AMD1: variants seen among roughly 807,000 people sequenced by gnomAD.
The protein encoded by AMD1 is adenosylmethionine decarboxylase 1, also known as S-adenosylmethionine decarboxylase proenzyme.
AMD1 carries 11 observed loss-of-function variants against 40.2 expected under a neutral mutation model. The ratio of observed to expected loss-of-function variants is 0.27; its 90% CI spans 0.17 to 0.45. AMD1 has a LOEUF of 0.45. Ranked by LOEUF, AMD1 falls within the 20% of genes least tolerant of loss-of-function variation. AMD1 has a pLI of 1.00. For synonymous variants in AMD1, 121 were observed against 130.8 expected (o/e 0.93, Z 0.51); for missense variants, 257 against 410.2 (o/e 0.63, Z 3.23).
chr6:110,835,179 C>T, the AMD1 span, among the ~76,000 whole-genome samples: 14 of 151,070 alleles, frequency 9.3e-5, no homozygotes, highest in Non-Finnish European at 7.4e-5. Flanking sequence ...CCACCACGCC[C>T]GGCTAATTTT....
chr6:110,892,647 C>G (rs2115313646), intron 6 of AMD1, 88 bp from the exon 7 acceptor site: 3 of 1,499,416 alleles, frequency 2.0e-6, no homozygotes, highest in Non-Finnish European at 2.8e-6. Context: ...CTGGTCCTCT[C>G]CCTTCTCCCA....
At chr6:110,860,827 ACCCACC>A in the AMD1 span, among the ~76,000 whole-genome samples, 3,880 of 134,694 alleles carry the variant, frequency 0.029, 137 homozygotes, top group African/African-American at 0.081. Flanking sequence ...AAAACAAAAC[ACCCACC>A]CACACACACA....
At chr6:110,887,366 T>C (rs2115300910) in intron 1 of AMD1, 139 bp from the exon 2 acceptor site, 1 of 550,442 alleles carries the variant, frequency 1.8e-6, no homozygotes, top group South Asian at 2.9e-5. Flanking sequence ...CAATATAGAT[T>C]ATTTTGAAAG....
the AMD1 span, among the ~76,000 whole-genome samples, chr6:110,816,580 A>C: frequency 1.3e-5 from 2 of 152,240 alleles, no homozygotes; most frequent in African/African-American, 4.8e-5. Flanking sequence ...AGAAATTTAC[A>C]TTTCTAAAGG....
chr6:110,879,474 A>C (rs1401996535), intron 1 of AMD1, among the ~76,000 whole-genome samples: 6 of 152,198 alleles, frequency 3.9e-5, no homozygotes, highest in Admixed American at 3.9e-4. Flanking sequence ...ATAGAGAAAC[A>C]ATAATGTGAT....
At chr6:110,858,157 C>T in the AMD1 span, 1 of 595,868 alleles carries the variant, frequency 1.7e-6, no homozygotes, top group Non-Finnish European at 3.1e-6. Context: ...ATAAAAATAT[C>T]CCTAGAGGAG....
At chr6:110,851,609 T>C in the AMD1 span, among the ~76,000 whole-genome samples, 2 of 152,060 alleles carry the variant, frequency 1.3e-5, no homozygotes, top group Non-Finnish European at 2.9e-5. Flanking sequence ...ATTACAGGCA[T>C]GCACCACCAT....
the AMD1 span, among the ~76,000 whole-genome samples, chr6:110,826,758 C>T: frequency 2.7e-5 from 4 of 149,474 alleles, no homozygotes; most frequent in African/African-American, 9.9e-5. Flanking sequence ...GTGGCGAAAT[C>T]CCGGCTCACT....
the AMD1 span, among the ~76,000 whole-genome samples, chr6:110,866,691 A>G: frequency 6.6e-6 from 1 of 152,262 alleles, no homozygotes; most frequent in East Asian, 1.9e-4. Flanking sequence ...TCTTAGGAAG[A>G]TAAAGGAACT....
In AMD1 at chr6:110,893,011, A is replaced by G; in HGVS notation, c.810A>G (p.Lys270=). 1.2e-6 allele frequency: 2 copies of G among 1,613,642 alleles called. No homozygotes were observed. The highest frequency in any genetic ancestry group is 1.7e-6 in the Non-Finnish European group (2 of 1,179,784). Residue 270 remains lysine, a synonymous_variant, in exon 8 of 9, where the codon AAA becomes AAG. Transcript: ENST00000368885. The part of the protein sequence containing the change: ...SQTSYDDLIR[K]VVEVFKPGKF... ...CCTCCTATGATGACCTGATCAGGAA[A>G]GTTGTAGAAGTCTTCAAGCCAGGAA... is the stretch of plus-strand genomic sequence containing the variant.
the AMD1 span, among the ~76,000 whole-genome samples, chr6:110,828,939 A>G: frequency 1.3e-5 from 2 of 152,196 alleles, no homozygotes; most frequent in African/African-American, 4.8e-5. Flanking sequence ...TGGGAGGCCA[A>G]GGCGTGCAGA....
At chr6:110,888,793 G>A in intron 2 of AMD1, 64 bp from the exon 3 acceptor site, 1 of 1,476,240 alleles carries the variant, frequency 6.8e-7, no homozygotes, top group Non-Finnish European at 9.2e-7. Context: ...TAATTAAATT[G>A]GTTGATTGCA....
At chr6:110,862,739 G>A in the AMD1 span, among the ~76,000 whole-genome samples, 23 of 152,064 alleles carry the variant, frequency 1.5e-4, no homozygotes, top group Non-Finnish European at 2.5e-4. Flanking sequence ...CAAACTGCTC[G>A]GATTACAGGC....
chr6:110,832,192 A>G, the AMD1 span, among the ~76,000 whole-genome samples: 19 of 150,960 alleles, frequency 1.3e-4, no homozygotes, highest in South Asian at 2.3e-3. Flanking sequence ...TTTTTAGTAG[A>G]GACAGGGTTT....
chr6:110,820,711 G>T, the AMD1 span, among the ~76,000 whole-genome samples: 1 of 152,006 alleles, frequency 6.6e-6, no homozygotes, highest in East Asian at 1.9e-4. Context: ...AGACCAGCCT[G>T]GCCAGCACGG....
intron 4 of AMD1, among the ~76,000 whole-genome samples, 156 bp downstream of exon 4, chr6:110,890,512 G>A: frequency 6.6e-6 from 1 of 151,998 alleles, no homozygotes; most frequent in East Asian, 1.9e-4. Flanking sequence ...TTTTAGACAG[G>A]GGTCTCATTC....
chr6:110,886,557 G>C (rs534925583), intron 1 of AMD1, among the ~76,000 whole-genome samples: 2 of 152,194 alleles, frequency 1.3e-5, no homozygotes, highest in East Asian at 3.9e-4. Flanking sequence ...CCACCGCCTT[G>C]GCCTCCCAAA....
At chr6:110,879,590 C>G (rs1785297161) in intron 1 of AMD1, among the ~76,000 whole-genome samples, 1 of 151,650 alleles carries the variant, frequency 6.6e-6, no homozygotes, top group Non-Finnish European at 1.5e-5. Context: ...TCTGGTCAGT[C>G]TAGCTTTACT....
the AMD1 span, among the ~76,000 whole-genome samples, chr6:110,843,435 G>A: frequency 6.7e-6 from 1 of 148,588 alleles, no homozygotes; most frequent in East Asian, 2.0e-4. Flanking sequence ...CTGCACTCCA[G>A]CCTGGGCGAT....
Sources: gnomAD v4.1 joint callset for allele counts (sites outside exome capture counted in the v4.1 genomes callset) on GRCh38, gnomAD v4.1.1 for gene constraint, MANE v1.5 for transcripts, NCBI Gene and HGNC (gene_info 2026-07-23, HGNC 2026-07-21) for gene names.